CERS6: variants seen among roughly 807,000 people sequenced by gnomAD.
CERS6 encodes the protein LAG1 homolog, ceramide synthase 6.
A neutral mutation model predicts 56.8 loss-of-function variants in CERS6; 26 were observed. That is an observed-to-expected ratio of 0.46 (90% CI 0.34 to 0.63). The LOEUF is 0.63. CERS6 is among the 30% of genes least tolerant of loss of function. CERS6 has a pLI of 0.01. For synonymous variants in CERS6, 164 were observed against 173.3 expected (o/e 0.95, Z 0.42); for missense variants, 415 against 467.5 (o/e 0.89, Z 1.04).
At chr2:168,492,444 T>C (rs895413099) in intron 1 of CERS6, among the ~76,000 whole-genome samples, 2 of 152,216 alleles carry the variant, frequency 1.3e-5, no homozygotes, top group East Asian at 1.9e-4. Context: ...TCATATCCTT[T>C]GCCCACTTTT....
intron 1 of CERS6, among the ~76,000 whole-genome samples, chr2:168,531,414 A>G (rs1308835043): frequency 6.6e-6 from 1 of 152,224 alleles, no homozygotes; most frequent in Non-Finnish European, 1.5e-5. Context: ...CTCTAGAGAA[A>G]AATCTGGCTT....
intron 1 of CERS6, among the ~76,000 whole-genome samples, chr2:168,457,073 A>G (rs1443738255): frequency 6.6e-6 from 1 of 152,180 alleles, no homozygotes; most frequent in East Asian, 1.9e-4. Context: ...CGGAGGGAGG[A>G]GGAACCGCGC....
intron 4 of CERS6, among the ~76,000 whole-genome samples, chr2:168,651,746 A>T (rs2105317909): frequency 6.6e-6 from 1 of 152,298 alleles, no homozygotes; most frequent in Middle Eastern, 3.4e-3. Context: ...CTCCCTTGAC[A>T]TGTGGGGATT....
chr2:168,772,247 C>G lies in CERS6; in HGVS notation c.*2585C>G, dbSNP rs948426105. ...ATATCTCCTCCTTCCTGGTCACATT[C>G]AAACCTTCCCAGAGTACAAAGGGGT... On this transcript the variant is annotated 3_prime_UTR_variant, in exon 10 of 10. Coordinates refer to ENST00000305747, the MANE Select transcript of CERS6 (RefSeq NM_203463.3). The G allele has an allele frequency of 6.6e-6, 1 of 152,398 alleles. No individual in the cohort carries two copies. Among genetic ancestry groups the G allele is most frequent in the East Asian group, 1.9e-4 (1 of 5,196 alleles). The allele number at this position is 152,398 out of a possible 1,614,324, so 9.4% of individuals were successfully genotyped here. A position where few individuals can be genotyped will look rare whatever the true frequency, so the allele number is the denominator to read the frequency against.
intron 9 of CERS6, among the ~76,000 whole-genome samples, chr2:168,768,383 C>T (rs1165726580): frequency 6.6e-6 from 1 of 151,462 alleles, no homozygotes; most frequent in Non-Finnish European, 1.5e-5. Context: ...ACATGCGCCA[C>T]CACACCCGGC....
At chr2:168,574,370 T>TTGTGTGTG (rs59913751) in intron 3 of CERS6, among the ~76,000 whole-genome samples, 61 of 148,800 alleles carry the variant, frequency 4.1e-4, no homozygotes, top group Middle Eastern at 6.9e-3. Flanking sequence ...TCAATAAGTT[T>TTGTGTGTG]TGTGTGTGTG....
At chr2:168,739,763 T>C (rs1683836592) in intron 8 of CERS6, among the ~76,000 whole-genome samples, 1 of 152,040 alleles carries the variant, frequency 6.6e-6, no homozygotes, top group Non-Finnish European at 1.5e-5. Context: ...TTTTTTTTTT[T>C]GAGACAGAGT....
intron 8 of CERS6, among the ~76,000 whole-genome samples, chr2:168,736,562 C>G (rs985011889): frequency 6.6e-6 from 1 of 152,020 alleles, no homozygotes; most frequent in Non-Finnish European, 1.5e-5. Context: ...GATTCCTGGC[C>G]TCAAGGATCC....
chr2:168,769,952 G>A lies in CERS6; in HGVS notation c.*290G>A, dbSNP rs1684822688. 2 of 320,180 alleles carry A rather than the reference G, an allele frequency of 6.2e-6. No homozygotes were observed. The highest frequency in any genetic ancestry group is 1.1e-5 in the Non-Finnish European group (2 of 175,208). 19.8% of individuals were successfully genotyped at this position (320,180 alleles called of 1,614,324 possible). ...TGTATTTGTAAATCTGTGGACAAAA[G>A]AGGGTTTCCTCACTCCTTTTACTCA... On this transcript the variant is annotated 3_prime_UTR_variant, in exon 10 of 10. Transcript: ENST00000305747.
intron 8 of CERS6, among the ~76,000 whole-genome samples, chr2:168,725,124 C>T (rs962169020): frequency 4.5e-4 from 68 of 152,344 alleles, no homozygotes; most frequent in African/African-American, 1.4e-3. Flanking sequence ...GTACACCCTC[C>T]GCAGCCGCTG....
intron 4 of CERS6, among the ~76,000 whole-genome samples, chr2:168,659,277 A>G (rs1685568188): frequency 6.6e-6 from 1 of 152,214 alleles, no homozygotes; most frequent in South Asian, 2.1e-4. Context: ...AAAGTTATTA[A>G]TGCATGTGGG....
intron 1 of CERS6, among the ~76,000 whole-genome samples, chr2:168,546,945 G>C (rs1679406467): frequency 6.6e-6 from 1 of 152,170 alleles, no homozygotes; most frequent in South Asian, 2.1e-4. Flanking sequence ...TCTTGACGTA[G>C]GCATTGGCTT....
intron 4 of CERS6, among the ~76,000 whole-genome samples, chr2:168,646,729 G>C (rs1685212354): frequency 6.6e-6 from 1 of 152,152 alleles, no homozygotes; most frequent in African/African-American, 2.4e-5. Context: ...GTGTAAGGAA[G>C]GGGTCCAGCT....
intron 1 of CERS6, among the ~76,000 whole-genome samples, chr2:168,463,573 C>T (rs1693814774): frequency 6.6e-6 from 1 of 152,100 alleles, no homozygotes; most frequent in Non-Finnish European, 1.5e-5. Flanking sequence ...AGATTATACC[C>T]ATTCGTATTT....
chr2:168,690,647 T>C (rs1206849872), intron 4 of CERS6, among the ~76,000 whole-genome samples: 1 of 152,140 alleles, frequency 6.6e-6, no homozygotes, highest in Non-Finnish European at 1.5e-5. Context: ...CAGTTTATAC[T>C]AGCTGTCATC....
chr2:168,691,003 T>C (rs1284617288), intron 4 of CERS6, 31 bp from the exon 5 acceptor site: 2 of 1,599,502 alleles, frequency 1.3e-6, no homozygotes, highest in East Asian at 2.2e-5. Flanking sequence ...TGTTCTAAAA[T>C]ATGTAAAATA....
Position 168,504,373 on chromosome 2 carries a change from CA to C in CERS6, c.171-43212del, listed in dbSNP as rs5836184. 5.0e-4 allele frequency among the ~76,000 whole-genome samples: 70 copies of C among 139,708 alleles called. 1 individual carries two copies. The highest frequency in any genetic ancestry group is 4.8e-4 in the Non-Finnish European group (30 of 63,142). The allele number at this position is 139,708 out of a possible 152,430, so 91.7% of individuals were successfully genotyped here. A position where few individuals can be genotyped will look rare whatever the true frequency, so the allele number is the denominator to read the frequency against. ...GTGACAGAGTGAGATCCCATTTAAA[CA>C]AAAAAAAAAAGGAAATCATCAATGC... On this transcript the variant is annotated intron_variant, in intron 1 of 9. Transcript: ENST00000305747.
chr2:168,467,681 A>G (rs1417159426), intron 1 of CERS6, among the ~76,000 whole-genome samples: 2 of 152,238 alleles, frequency 1.3e-5, no homozygotes, highest in Non-Finnish European at 2.9e-5. Context: ...TGTAAAATGG[A>G]GAATATGCCA....
chr2:168,746,564 G>T (rs961223975), intron 8 of CERS6, among the ~76,000 whole-genome samples: 5 of 151,186 alleles, frequency 3.3e-5, no homozygotes, highest in African/African-American at 1.2e-4. Context: ...TTGTTTCTGT[G>T]GTACTATCTG....
Sources: gnomAD v4.1 joint callset for allele counts (sites outside exome capture counted in the v4.1 genomes callset) on GRCh38, gnomAD v4.1.1 for gene constraint, MANE v1.5 for transcripts, NCBI Gene and HGNC (gene_info 2026-07-23, HGNC 2026-07-21) for gene names.